TMEM132C: variants seen among roughly 807,000 people sequenced by gnomAD.
TMEM132C encodes transmembrane protein 132C, also known as protein phosphatase 1, regulatory subunit 152.
TMEM132C carries 29 observed loss-of-function variants against 61.4 expected under a neutral mutation model. The ratio of observed to expected loss-of-function variants is 0.47; its 90% confidence interval spans 0.35 to 0.64. TMEM132C has a LOEUF of 0.64. Among genes scored for constraint, TMEM132C ranks in the 30% least tolerant of loss-of-function variants. TMEM132C has a pLI of 0.00. For synonymous variants in TMEM132C, 656 were observed against 633.1 expected, an observed-to-expected ratio of 1.04 and a Z score of -0.54; for missense variants, 1,408 against 1,476.9, an observed-to-expected ratio of 0.95 and a Z score of 0.76.
At chr12:128,284,554 CTTTCCTGTAAGAAATAATGGCAAGAGG>C (rs1592996844) in intron 1 of TMEM132C, among the ~76,000 whole-genome samples, 1 of 152,184 alleles carries the variant, frequency 6.6e-6, no homozygotes, top group African/African-American at 2.4e-5. Flanking sequence ...TCTAAGCCAG[CTTTCCTGTAAGAAATAATGGCAAGAGG>C]TTTCCTGTAA....
intron 3 of TMEM132C, among the ~76,000 whole-genome samples, chr12:128,549,411 C>G (rs1465570775): frequency 1.3e-5 from 2 of 152,056 alleles, no homozygotes; most frequent in African/African-American, 4.8e-5. Context: ...CCATCACCCC[C>G]CGGCGCGTCA....
intron 8 of TMEM132C, 54 bp downstream of exon 8, chr12:128,697,469 GCTT>G: frequency 6.8e-7 from 1 of 1,467,938 alleles, no homozygotes; most frequent in Non-Finnish European, 9.1e-7. Flanking sequence ...CACTGTGCCT[GCTT>G]CAGCAAAGGG....
chr12:128,373,295 C>G (rs560018594), intron 1 of TMEM132C, among the ~76,000 whole-genome samples: 4 of 152,156 alleles, frequency 2.6e-5, no homozygotes, highest in African/African-American at 9.6e-5. Context: ...CCTTTCTTGT[C>G]AAGGAAGGAA....
At chr12:128,392,438 C>T (rs966305589) in intron 1 of TMEM132C, among the ~76,000 whole-genome samples, 3 of 151,558 alleles carry the variant, frequency 2.0e-5, no homozygotes, top group Admixed American at 6.6e-5. Context: ...TGGAGGAGCA[C>T]AGTGTGGTTT....
At chr12:128,513,650 T>C (rs1846209173) in intron 2 of TMEM132C, among the ~76,000 whole-genome samples, 1 of 152,128 alleles carries the variant, frequency 6.6e-6, no homozygotes, top group South Asian at 2.1e-4. Context: ...TTTTGCTCCT[T>C]GAGAAGAGGG....
chr12:128,460,100 A>C (rs2136067735), intron 2 of TMEM132C, among the ~76,000 whole-genome samples: 1 of 152,290 alleles, frequency 6.6e-6, no homozygotes, highest in African/African-American at 2.4e-5. Flanking sequence ...TGAATTCTGC[A>C]GAAGAGAACT....
At chr12:128,301,231 A>G (rs1263368259) in intron 1 of TMEM132C, among the ~76,000 whole-genome samples, 1 of 151,808 alleles carries the variant, frequency 6.6e-6, no homozygotes, top group African/African-American at 2.4e-5. Flanking sequence ...AAAATCAAAT[A>G]GACACAGAAA....
chr12:128,677,245 C>T (rs1415454640), intron 5 of TMEM132C, among the ~76,000 whole-genome samples: 4 of 152,102 alleles, frequency 2.6e-5, no homozygotes, highest in African/African-American at 7.2e-5. Flanking sequence ...ATATCCAGTC[C>T]GTGTTTTTCA....
rs1347439148 is a variant in TMEM132C at position 128,321,142 on chromosome 12, AAT to A, written c.85+53657_85+53658del. Among the ~76,000 whole-genome samples the A allele has an allele frequency of 3.7e-4, 23 of 61,852 alleles. 1 individual carries two copies. The highest frequency in any genetic ancestry group is 9.7e-4 in the African/African-American group (11 of 11,338). 40.6% of individuals were successfully genotyped at this position (61,852 alleles called of 152,430 possible). A position where few individuals can be genotyped will look rare whatever the true frequency, so the allele number is the denominator to read the frequency against. ...GTCCAGGCTGCCATTTTTGAAAAAT[AAT>A]AATAATAATAATAATAATAATAATA... On this transcript the variant is annotated intron_variant, in intron 1 of 8. Coordinates refer to ENST00000435159, the MANE Select transcript of TMEM132C (RefSeq NM_001136103.3).
intron 5 of TMEM132C, among the ~76,000 whole-genome samples, chr12:128,687,053 T>G (rs1366148595): frequency 1.3e-5 from 2 of 151,370 alleles, no homozygotes; most frequent in Non-Finnish European, 2.9e-5. Flanking sequence ...AGTACAAAAA[T>G]TAGGCGGGCA....
intron 3 of TMEM132C, among the ~76,000 whole-genome samples, chr12:128,573,017 G>T (rs1232364552): frequency 6.6e-6 from 1 of 152,238 alleles, no homozygotes; most frequent in African/African-American, 2.4e-5. Flanking sequence ...CTGTAAACTA[G>T]TTCAACCATT....
intron 5 of TMEM132C, among the ~76,000 whole-genome samples, chr12:128,677,445 A>G (rs1447091935): frequency 1.3e-5 from 2 of 152,162 alleles, no homozygotes; most frequent in African/African-American, 2.4e-5. Context: ...GGGCGACATG[A>G]ATAGGACACT....
chr12:128,392,052 G>GTCTCTGTCTCTCTCTCTC (rs1555221997), intron 1 of TMEM132C, among the ~76,000 whole-genome samples: 1 of 125,550 alleles, frequency 8.0e-6, no homozygotes, highest in African/African-American at 3.0e-5. Context: ...CTCTGTCTCT[G>GTCTCTGTCTCTCTCTCTC]TCTCTCTCTC....
chr12:128,462,603 T>G (rs1870576260), intron 2 of TMEM132C, among the ~76,000 whole-genome samples: 2 of 152,204 alleles, frequency 1.3e-5, no homozygotes, highest in African/African-American at 4.8e-5. Context: ...TCGGAGCTCT[T>G]CCTCCTGAAG....
intron 2 of TMEM132C, among the ~76,000 whole-genome samples, chr12:128,428,143 C>T (rs748034471): frequency 6.6e-6 from 1 of 152,156 alleles, no homozygotes; most frequent in African/African-American, 2.4e-5. Flanking sequence ...ACCCGTTCTA[C>T]AGATGAGGAA....
intron 2 of TMEM132C, among the ~76,000 whole-genome samples, chr12:128,479,883 A>T (rs1871266871): frequency 6.6e-6 from 1 of 152,212 alleles, no homozygotes; most frequent in Non-Finnish European, 1.5e-5. Context: ...ATATAGATTG[A>T]GTGCTTAAAA....
At chr12:128,459,491 TTAGAAGA>T (rs1356177976) in intron 2 of TMEM132C, among the ~76,000 whole-genome samples, 1 of 151,904 alleles carries the variant, frequency 6.6e-6, no homozygotes, top group East Asian at 1.9e-4. Flanking sequence ...TTAAAAGGAG[TTAGAAGA>T]TAGAGCATGA....
At chr12:128,387,949 C>G (rs767595491) in intron 1 of TMEM132C, among the ~76,000 whole-genome samples, 2 of 152,216 alleles carry the variant, frequency 1.3e-5, no homozygotes, top group African/African-American at 2.4e-5. Flanking sequence ...CAGCCGTGCC[C>G]GGCCGTCACC....
intron 2 of TMEM132C, among the ~76,000 whole-genome samples, chr12:128,535,665 G>A (rs10847635): frequency 0.53 from 80,949 of 151,938 alleles, 22,394 homozygotes; most frequent in Middle Eastern, 0.61. Context: ...TCAGGAGATC[G>A]AGACCATCTT....
Sources: gnomAD v4.1 joint callset for allele counts (sites outside exome capture counted in the v4.1 genomes callset) on GRCh38, gnomAD v4.1.1 for gene constraint, MANE v1.5 for transcripts, NCBI Gene and HGNC (gene_info 2026-07-23, HGNC 2026-07-21) for gene names.